Variants in DSCAML1 observed in about 807,000 individuals in gnomAD.
The protein encoded by DSCAML1 is DS cell adhesion molecule like 1, also known as cell adhesion molecule DSCAML1.
DSCAML1 carries 38 observed loss-of-function variants against 200.5 expected under a neutral mutation model. The observed-to-expected ratio is 0.19, with a 90% CI of 0.15 to 0.25. The LOEUF is 0.25. Among genes scored for constraint, DSCAML1 ranks in the 10% least tolerant of loss-of-function variants. DSCAML1 has a pLI of 1.00. For synonymous variants in DSCAML1, 1,215 were observed against 1,165.0 expected (o/e 1.04, Z -0.87); for missense variants, 2,223 against 2,858.8 (o/e 0.78, Z 5.07).
At chr11:117,477,506 A>C (rs965476169) in intron 14 of DSCAML1, among the ~76,000 whole-genome samples, 15 of 149,198 alleles carry the variant, frequency 1.0e-4, no homozygotes, top group Admixed American at 2.7e-4. Flanking sequence ...ATGATTCTGC[A>C]AAAAAAAAAT....
At chr11:117,686,613 T>C (rs926933460) in intron 3 of DSCAML1, among the ~76,000 whole-genome samples, 3 of 152,232 alleles carry the variant, frequency 2.0e-5, no homozygotes, top group Non-Finnish European at 4.4e-5. Flanking sequence ...AATTTGGTCA[T>C]ACTCAGGTGT....
intron 3 of DSCAML1, among the ~76,000 whole-genome samples, chr11:117,617,642 C>G (rs1272780154): frequency 6.6e-6 from 1 of 151,268 alleles, no homozygotes. Flanking sequence ...AAAACAACAA[C>G]CCACAACACA....
intron 11 of DSCAML1, among the ~76,000 whole-genome samples, chr11:117,485,896 C>T (rs1468031783): frequency 1.3e-5 from 2 of 152,218 alleles, no homozygotes; most frequent in African/African-American, 4.8e-5. Context: ...TCTTCTTGGC[C>T]TGGCCAATGG....
intron 3 of DSCAML1, among the ~76,000 whole-genome samples, chr11:117,542,850 G>A (rs1207523930): frequency 6.6e-6 from 1 of 152,154 alleles, no homozygotes; most frequent in Non-Finnish European, 1.5e-5. Context: ...GGAAGAGCCT[G>A]GACTCACACC....
Position 117,437,992 on chromosome 11 carries a change from G to C in DSCAML1, c.4335C>G (p.Leu1445=), listed in dbSNP as rs1228005796. The change falls in exon 25 of 33, where the codon CTC becomes CTG. Residue 1445 remains leucine, a synonymous_variant. Coordinates refer to ENST00000651296, the MANE Select transcript of DSCAML1 (RefSeq NM_020693.4). This position sits in a 1 kb window ranked among gnomAD's most constrained non-coding sequence, Gnocchi z 5.3. ...TCACCTTGTACCACGTGCCACACTTGAGGCTGTCCAGCTTGAAGGAGCGCT... is the reference window on the plus strand; with the variant it reads ...TCACCTTGTACCACGTGCCACACTTCAGGCTGTCCAGCTTGAAGGAGCGCT... The part of the protein sequence containing the change: ...SSERSFKLDS[L]KCGTWYKVKL... 1 of 1,614,026 alleles carries C rather than the reference G, an allele frequency of 6.2e-7. No homozygotes were observed. Among genetic ancestry groups the C allele is most frequent in the African/African-American group, 1.3e-5 (1 of 74,946 alleles).
At chr11:117,459,648 A>T (rs1410439752) in intron 18 of DSCAML1, among the ~76,000 whole-genome samples, 1 of 152,248 alleles carries the variant, frequency 6.6e-6, no homozygotes, top group Non-Finnish European at 1.5e-5. Context: ...TAGACTCTAA[A>T]GAGGAGCTTA....
Position 117,521,192 on chromosome 11 carries a change from T to A in DSCAML1, c.1151A>T (p.Tyr384Phe). The A allele has an allele frequency of 6.2e-7, 1 of 1,614,126 alleles. No homozygotes were observed. Among genetic ancestry groups the A allele is most frequent in the Non-Finnish European group, 8.5e-7 (1 of 1,180,024 alleles). The change falls in exon 6 of 33, where the codon TAC (tyrosine) becomes TTC (phenylalanine). Residue 384 changes from tyrosine (Y) to phenylalanine (F), a missense_variant. Tyr to Phe is a conservative substitution (Grantham distance 22). This residue lies in a region of DSCAML1 where 579 missense variants were observed against 721.5 expected (regional missense o/e 0.80). Transcript: ENST00000651296. ...GGCCTTGCGGGTAGCGAAGCACTGGTAGGCCCCGGAATGGCTCTTCTGGGC... is the reference window on the plus strand; with the variant it reads ...GGCCTTGCGGGTAGCGAAGCACTGGAAGGCCCCGGAATGGCTCTTCTGGGC... ...TSAQKSHSGA[Y>F]QCFATRKAQT...
intron 3 of DSCAML1, among the ~76,000 whole-genome samples, chr11:117,694,274 G>A (rs939097725): frequency 6.6e-6 from 1 of 151,588 alleles, no homozygotes; most frequent in Non-Finnish European, 1.5e-5. Flanking sequence ...GTGGTGGCAG[G>A]TGCCTGTAAT....
rs2048010407 is a variant in DSCAML1, at chr11:117,439,992, G to T, written c.3863-56C>A. The T allele has an allele frequency of 2.7e-6, 4 of 1,470,596 alleles. No individual in the cohort carries two copies. In the South Asian group the frequency reaches 3.4e-5, roughly 13 times the overall value. 91.1% of individuals were successfully genotyped at this position (1,470,596 alleles called of 1,614,324 possible). On this transcript the variant is annotated intron_variant, in intron 21 of 32. Transcript: ENST00000651296. ...ACTTCTACCCCTGCACAATATCCTG[G>T]CCTCCTTCCTTAGGGCCCCCTGGAT...
chr11:117,433,800 G>C lies in DSCAML1; in HGVS notation c.4877-329C>G, dbSNP rs559387180. Among the ~76,000 whole-genome samples the C allele has an allele frequency of 4.6e-5, 7 of 152,312 alleles. No individual in the cohort carries two copies. In the South Asian group the frequency reaches 1.0e-3, roughly 23 times the overall value. ...CTGCTTAAACACAACACCATAACAG[G>C]CTGGAAATGGATATCAGTGGAAGAT... On this transcript the variant is annotated intron_variant, in intron 27 of 32. Coordinates refer to ENST00000651296, the MANE Select transcript of DSCAML1 (RefSeq NM_020693.4).
intron 3 of DSCAML1, among the ~76,000 whole-genome samples, chr11:117,633,279 C>A (rs2052212105): frequency 2.6e-5 from 4 of 152,160 alleles, no homozygotes; most frequent in Admixed American, 2.6e-4. Flanking sequence ...AGAAGTCAGG[C>A]CTTCCTGCCT....
chr11:117,621,070 G>C (rs971949007), intron 3 of DSCAML1, among the ~76,000 whole-genome samples: 1 of 152,200 alleles, frequency 6.6e-6, no homozygotes, highest in African/African-American at 2.4e-5. Context: ...ATGGTTTACT[G>C]TCTATGGACA....
intron 3 of DSCAML1, among the ~76,000 whole-genome samples, chr11:117,667,955 G>A (rs1036792609): frequency 1.3e-5 from 2 of 152,204 alleles, no homozygotes; most frequent in Non-Finnish European, 2.9e-5. Context: ...TTAGGTGCCC[G>A]ATGTCAGAGA....
At chr11:117,433,363 T>C in intron 28 of DSCAML1, 78 bp downstream of exon 28, 1 of 1,589,622 alleles carries the variant, frequency 6.3e-7, no homozygotes. Flanking sequence ...ATTCTGGGAG[T>C]TCAGAGCGAG....
At chr11:117,667,695 A>C (rs1003979337) in intron 3 of DSCAML1, among the ~76,000 whole-genome samples, 7 of 152,338 alleles carry the variant, frequency 4.6e-5, no homozygotes, top group Middle Eastern at 6.8e-3. Flanking sequence ...CCACCTCCTG[A>C]CCTGAAACAG....
chr11:117,633,290 C>T (rs1028596603), intron 3 of DSCAML1, among the ~76,000 whole-genome samples: 5 of 152,288 alleles, frequency 3.3e-5, no homozygotes, highest in South Asian at 4.2e-4. Context: ...CTTCCTGCCT[C>T]GCCACACCTT....
intron 3 of DSCAML1, among the ~76,000 whole-genome samples, chr11:117,579,673 G>T (rs2051008133): frequency 6.6e-6 from 1 of 152,174 alleles, no homozygotes; most frequent in Admixed American, 6.5e-5. Context: ...TCTGGCTTGT[G>T]GGTTGACCGT....
intron 3 of DSCAML1, among the ~76,000 whole-genome samples, chr11:117,633,387 G>A (rs1474339823): frequency 1.3e-5 from 2 of 152,180 alleles, no homozygotes; most frequent in Non-Finnish European, 2.9e-5. Flanking sequence ...GGACAGACAC[G>A]GCTAAATCCA....
At chr11:117,691,940 A>G (rs2053502066) in intron 3 of DSCAML1, among the ~76,000 whole-genome samples, 1 of 152,040 alleles carries the variant, frequency 6.6e-6, no homozygotes, top group Non-Finnish European at 1.5e-5. Flanking sequence ...CTAGTTCAAC[A>G]TTTCCACTCT....
Sources: gnomAD v4.1 joint callset for allele counts (sites outside exome capture counted in the v4.1 genomes callset) on GRCh38, gnomAD v4.1.1 for gene constraint, gnomAD v4.1.1 regional missense constraint, Gnocchi (gnomAD v3.1) non-coding constraint, MANE v1.5 for transcripts, NCBI Gene and HGNC (gene_info 2026-07-23, HGNC 2026-07-21) for gene names.